Variants in HS3ST4 observed in about 807,000 individuals in gnomAD.
HS3ST4 encodes the protein heparan sulfate-glucosamine 3-sulfotransferase 4, also known as heparan sulfate glucosamine 3-O-sulfotransferase 4.
A neutral mutation model predicts 29.2 loss-of-function variants in HS3ST4; 17 were observed. The ratio of observed to expected loss-of-function variants is 0.58; its 90% confidence interval spans 0.40 to 0.87. HS3ST4 has a LOEUF of 0.87. HS3ST4 is among the 40% of genes least tolerant of loss of function. The pLI is 0.00. For synonymous variants in HS3ST4, 314 were observed against 285.7 expected (o/e 1.10, Z -1.00); for missense variants, 627 against 634.5 (o/e 0.99, Z 0.13).
In HS3ST4 at chr16:26,084,391, G is replaced by A. The variant is rs1295190994; in HGVS notation, c.735-51221G>A. On this transcript the variant is annotated intron_variant, in intron 1 of 1. Coordinates refer to ENST00000331351, the MANE Select transcript of HS3ST4 (RefSeq NM_006040.3). ...GAAAAGAAATTTCTGAAAAGAAATA[G>A]CCTCTTTGCTGGAATTGGCTTTCTC... 2.6e-5 allele frequency among the ~76,000 whole-genome samples: 4 copies of A among 152,306 alleles called. No homozygotes were observed. The East Asian group carries it at 7.7e-4, about 29-fold the overall frequency.
chr16:26,000,032 T>C (rs999544828), intron 1 of HS3ST4, among the ~76,000 whole-genome samples: 16 of 151,190 alleles, frequency 1.1e-4, no homozygotes, highest in Non-Finnish European at 2.2e-4. Flanking sequence ...TGTTGAAAAG[T>C]AATTATCTGT....
chr16:25,766,496 TTCTG>T (rs1421221710), intron 1 of HS3ST4, among the ~76,000 whole-genome samples: 9 of 152,196 alleles, frequency 5.9e-5, no homozygotes, highest in Admixed American at 2.0e-4. Context: ...GTGGTGACAG[TTCTG>T]TCTGTTTTTC....
In HS3ST4 at chr16:25,981,659, G is replaced by A. The variant is rs540501381; in HGVS notation, c.735-153953G>A. 1.5e-3 allele frequency among the ~76,000 whole-genome samples: 47 copies of A among 30,394 alleles called. 1 individual carries two copies. In the South Asian group the frequency reaches 0.032, roughly 21 times the overall value. 19.9% of individuals were successfully genotyped at this position (30,394 alleles called of 152,430 possible). On this transcript the variant is annotated intron_variant, in intron 1 of 1. Coordinates refer to ENST00000331351, the MANE Select transcript of HS3ST4 (RefSeq NM_006040.3). Reference sequence around the variant, plus strand: ...ATCTAGCTCTGTCGCCCAGGCAATGGTGGAGTACTTAGATAAACATTTGTA... The same window carrying A: ...ATCTAGCTCTGTCGCCCAGGCAATGATGGAGTACTTAGATAAACATTTGTA...
At chr16:26,100,082 G>T (rs1898973420) in intron 1 of HS3ST4, among the ~76,000 whole-genome samples, 1 of 152,104 alleles carries the variant, frequency 6.6e-6, no homozygotes, top group Admixed American at 6.5e-5. Context: ...GGTATGAAAA[G>T]CTGTGAATGT....
intron 1 of HS3ST4, among the ~76,000 whole-genome samples, chr16:25,860,356 G>A (rs1213466134): frequency 6.6e-6 from 1 of 152,108 alleles, no homozygotes; most frequent in Non-Finnish European, 1.5e-5. Flanking sequence ...ATGCTCCTTG[G>A]TATTTACCCG....
At chr16:25,879,014 A>G (rs771790059) in intron 1 of HS3ST4, among the ~76,000 whole-genome samples, 2 of 151,880 alleles carry the variant, frequency 1.3e-5, no homozygotes, top group Non-Finnish European at 2.9e-5. Flanking sequence ...ACTCAGAAAA[A>G]CTCCAGGCAG....
At chr16:25,957,882 G>C (rs1968752544) in intron 1 of HS3ST4, among the ~76,000 whole-genome samples, 1 of 133,446 alleles carries the variant, frequency 7.5e-6, no homozygotes, top group Non-Finnish European at 1.8e-5. Context: ...CTGGTGTGGG[G>C]ATCAACAGGT....
intron 1 of HS3ST4, among the ~76,000 whole-genome samples, chr16:25,745,780 A>G (rs1966681397): frequency 6.6e-6 from 1 of 152,296 alleles, no homozygotes; most frequent in East Asian, 1.9e-4. Context: ...AGTCTTTTGC[A>G]TATCATTAAA....
intron 1 of HS3ST4, among the ~76,000 whole-genome samples, chr16:25,777,907 C>T (rs1021442185): frequency 6.6e-6 from 1 of 151,990 alleles, no homozygotes; most frequent in African/African-American, 2.4e-5. Context: ...TGAAGCACAC[C>T]ATGTATAGTT....
intron 1 of HS3ST4, among the ~76,000 whole-genome samples, chr16:25,914,120 GTA>G (rs1332831997): frequency 6.7e-6 from 1 of 149,440 alleles, no homozygotes; most frequent in East Asian, 2.0e-4. Context: ...TAGGGAGAGG[GTA>G]TATGTGTGTG....
chr16:26,017,473 A>G (rs1253826962), intron 1 of HS3ST4, among the ~76,000 whole-genome samples: 1 of 152,192 alleles, frequency 6.6e-6, no homozygotes, highest in African/African-American at 2.4e-5. Flanking sequence ...AAAATTGGCC[A>G]GTTTGCAGTC....
At chr16:26,020,605 C>G (rs1463737051) in intron 1 of HS3ST4, among the ~76,000 whole-genome samples, 2 of 152,194 alleles carry the variant, frequency 1.3e-5, no homozygotes, top group Non-Finnish European at 2.9e-5. Flanking sequence ...GATGCTGGTG[C>G]TGCTGCTCTG....
chr16:25,927,906 CAT>C (rs1481026595), intron 1 of HS3ST4, among the ~76,000 whole-genome samples: 1 of 151,804 alleles, frequency 6.6e-6, no homozygotes, highest in Non-Finnish European at 1.5e-5. Context: ...CATTTAGAAA[CAT>C]GTGAAATAGG....
intron 1 of HS3ST4, among the ~76,000 whole-genome samples, chr16:25,942,034 A>G (rs1469157719): frequency 6.6e-6 from 1 of 152,218 alleles, no homozygotes; most frequent in African/African-American, 2.4e-5. Flanking sequence ...CTTGGACCAT[A>G]GGATAGAATT....
At chr16:25,938,506 G>A (rs944940495) in intron 1 of HS3ST4, among the ~76,000 whole-genome samples, 1 of 152,030 alleles carries the variant, frequency 6.6e-6, no homozygotes, top group African/African-American at 2.4e-5. Flanking sequence ...GAGTATATTG[G>A]AAAGATTGCT....
intron 1 of HS3ST4, among the ~76,000 whole-genome samples, chr16:25,770,051 T>G (rs902967809): frequency 6.6e-6 from 1 of 152,252 alleles, no homozygotes; most frequent in Non-Finnish European, 1.5e-5. Flanking sequence ...ATTGTTTGGT[T>G]GTTAATCTTG....
At chr16:26,116,057 A>G (rs996776148) in intron 1 of HS3ST4, among the ~76,000 whole-genome samples, 3 of 152,226 alleles carry the variant, frequency 2.0e-5, no homozygotes, top group Non-Finnish European at 4.4e-5. Context: ...CAAAGATCCA[A>G]TCAAGGTGTT....
intron 1 of HS3ST4, among the ~76,000 whole-genome samples, chr16:26,038,845 G>T (rs1469311023): frequency 6.6e-6 from 1 of 151,896 alleles, no homozygotes; most frequent in Non-Finnish European, 1.5e-5. Context: ...CACCACGCCC[G>T]GCTAATTCTT....
chr16:25,742,575 A>G (rs59698962), intron 1 of HS3ST4, among the ~76,000 whole-genome samples: 3,596 of 152,330 alleles, frequency 0.024, 152 homozygotes, highest in African/African-American at 0.081. Context: ...GGGTGCTATT[A>G]GAAGAATAAG....
Sources: gnomAD v4.1 joint callset for allele counts (sites outside exome capture counted in the v4.1 genomes callset) on GRCh38, gnomAD v4.1.1 for gene constraint, MANE v1.5 for transcripts, NCBI Gene and HGNC (gene_info 2026-07-23, HGNC 2026-07-21) for gene names.